Variants in ASAP2 observed in about 807,000 individuals in gnomAD.
ASAP2 encodes the protein arf-GAP with SH3 domain, ANK repeat and PH domain-containing protein 2.
In ASAP2, 45 loss-of-function variants were observed where a neutral mutation model predicts 131.4. That is an observed-to-expected ratio of 0.34 (90% confidence interval 0.27 to 0.44). ASAP2 has a LOEUF of 0.44. Among genes scored for constraint, ASAP2 ranks in the 20% least tolerant of loss-of-function variants. The pLI, the probability that ASAP2 is intolerant of heterozygous loss-of-function variation, is 1.00. For synonymous variants in ASAP2, 510 were observed against 503.0 expected (o/e 1.01, Z -0.19); for missense variants, 1,011 against 1,297.0 (o/e 0.78, Z 3.39).
chr2:9,216,109 G>A (rs185745326), intron 1 of ASAP2, among the ~76,000 whole-genome samples: 674 of 152,230 alleles, frequency 4.4e-3, no homozygotes, highest in Admixed American at 8.1e-3. Context: ...ACTCTGCAGG[G>A]CAAGTTCCAT....
At chr2:9,263,394 C>T (rs1474385771) in intron 1 of ASAP2, among the ~76,000 whole-genome samples, 2 of 152,312 alleles carry the variant, frequency 1.3e-5, no homozygotes, top group African/African-American at 2.4e-5. Context: ...CCCACGCTGC[C>T]GTGTTTGTGC....
chr2:9,269,874 A>G (rs992262258), intron 1 of ASAP2, among the ~76,000 whole-genome samples: 2 of 152,132 alleles, frequency 1.3e-5, no homozygotes, highest in African/African-American at 4.8e-5. Context: ...TCCCTTACCC[A>G]CAGTGTGCAC....
At chr2:9,345,132 A>T (rs1408050848) in intron 11 of ASAP2, among the ~76,000 whole-genome samples, 1 of 152,138 alleles carries the variant, frequency 6.6e-6, no homozygotes, top group African/African-American at 2.4e-5. Context: ...CTGTGACTCC[A>T]GAAAGCACAG....
At chr2:9,303,354 G>C (rs1445617955) in intron 3 of ASAP2, among the ~76,000 whole-genome samples, 2 of 152,090 alleles carry the variant, frequency 1.3e-5, no homozygotes, top group South Asian at 2.1e-4. Context: ...TTTTCTATTG[G>C]TTGCCCTTTT....
chr2:9,293,034 T>A (rs1667916989), intron 2 of ASAP2, among the ~76,000 whole-genome samples: 1 of 152,234 alleles, frequency 6.6e-6, no homozygotes, highest in African/African-American at 2.4e-5. Context: ...TCTTGTCCTT[T>A]TTGTATCCAG....
Position 9,356,433 on chromosome 2 carries a change from C to G in ASAP2, c.1327+88C>G, listed in dbSNP as rs1395242440. ...GAATCCGTTCATTGATTTTCACTTT[C>G]ATTTCAAACACGAAATTAAGTGCAG... On this transcript the variant is annotated intron_variant, in intron 14 of 27. Coordinates refer to ENST00000281419, the MANE Select transcript of ASAP2 (RefSeq NM_003887.3). The G allele has an allele frequency of 1.0e-5, 14 of 1,391,218 alleles. No homozygotes were observed. The South Asian group carries it at 1.9e-4, about 19-fold the overall frequency. The allele number at this position is 1,391,218 out of a possible 1,614,324, so 86.2% of individuals were successfully genotyped here. A position where few individuals can be genotyped will look rare whatever the true frequency, so the allele number is the denominator to read the frequency against.
At chr2:9,369,735 G>A (rs189406950) in intron 16 of ASAP2, among the ~76,000 whole-genome samples, 48 of 152,348 alleles carry the variant, frequency 3.2e-4, no homozygotes, top group African/African-American at 1.1e-3. Flanking sequence ...TAAGCCTGAA[G>A]TAGAATTAAT....
At chr2:9,319,206 G>A (rs1304201785) in intron 4 of ASAP2, among the ~76,000 whole-genome samples, 1 of 152,234 alleles carries the variant, frequency 6.6e-6, no homozygotes, top group African/African-American at 2.4e-5. Flanking sequence ...GCCAGGCAGC[G>A]CGCTGCCCCT....
intron 24 of ASAP2, among the ~76,000 whole-genome samples, chr2:9,395,886 C>T (rs753123810): frequency 7.9e-5 from 12 of 151,912 alleles, no homozygotes; most frequent in Non-Finnish European, 1.6e-4. Flanking sequence ...GGATTACAGG[C>T]TTGAGCCACT....
intron 9 of ASAP2, among the ~76,000 whole-genome samples, chr2:9,343,549 C>T (rs1671742914): frequency 6.6e-6 from 1 of 152,184 alleles, no homozygotes; most frequent in Non-Finnish European, 1.5e-5. Flanking sequence ...CAGGCTCAAG[C>T]AGTCCTCCTG....
intron 7 of ASAP2, among the ~76,000 whole-genome samples, chr2:9,334,381 C>T (rs568221177): frequency 6.6e-6 from 1 of 152,092 alleles, no homozygotes; most frequent in African/African-American, 2.4e-5. Flanking sequence ...TTTTCCATGT[C>T]GCGGTCGCCT....
intron 19 of ASAP2, among the ~76,000 whole-genome samples, chr2:9,379,737 C>T (rs1381017847): frequency 2.6e-5 from 4 of 152,140 alleles, no homozygotes; most frequent in Non-Finnish European, 5.9e-5. Context: ...TTGACTGAGG[C>T]TTATTTAGAA....
intron 1 of ASAP2, among the ~76,000 whole-genome samples, chr2:9,270,495 A>G (rs983751028): frequency 3.3e-5 from 5 of 152,116 alleles, no homozygotes; most frequent in African/African-American, 1.2e-4. Flanking sequence ...ATTTTGATAC[A>G]GGCATGCAGT....
chr2:9,388,051 T>A (rs571214268), intron 21 of ASAP2, among the ~76,000 whole-genome samples: 1 of 152,294 alleles, frequency 6.6e-6, no homozygotes, highest in South Asian at 2.1e-4. Context: ...AGGTGAGATT[T>A]GGGTGGGGAC....
intron 3 of ASAP2, among the ~76,000 whole-genome samples, chr2:9,301,768 A>C: frequency 6.6e-6 from 1 of 151,068 alleles, no homozygotes; most frequent in East Asian, 1.9e-4. Flanking sequence ...TCCCTCACCC[A>C]TGTTGATAGA....
chr2:9,288,112 C>G (rs1387773492), intron 2 of ASAP2, among the ~76,000 whole-genome samples: 1 of 152,108 alleles, frequency 6.6e-6, no homozygotes, highest in African/African-American at 2.4e-5. Context: ...TGGATGATCC[C>G]TCCAGGAAAA....
intron 1 of ASAP2, among the ~76,000 whole-genome samples, chr2:9,244,291 G>A (rs1001081498): frequency 1.3e-5 from 2 of 152,140 alleles, no homozygotes; most frequent in African/African-American, 4.8e-5. Flanking sequence ...GTGAGACCCT[G>A]TCTCAAAACA....
At chr2:9,344,878 G>T in intron 11 of ASAP2, 78 bp downstream of exon 11, 2 of 1,284,514 alleles carry the variant, frequency 1.6e-6, no homozygotes, top group Non-Finnish European at 2.2e-6. Flanking sequence ...AAGTTAGAGG[G>T]CAGGAGTTGT....
intron 1 of ASAP2, among the ~76,000 whole-genome samples, chr2:9,275,376 T>C (rs1244482446): frequency 6.6e-6 from 1 of 152,174 alleles, no homozygotes; most frequent in Non-Finnish European, 1.5e-5. Flanking sequence ...TCCAGCCTAG[T>C]CCTTGTGTTC....
Sources: gnomAD v4.1 joint callset for allele counts (sites outside exome capture counted in the v4.1 genomes callset) on GRCh38, gnomAD v4.1.1 for gene constraint, MANE v1.5 for transcripts, NCBI Gene and HGNC (gene_info 2026-07-23, HGNC 2026-07-21) for gene names.